The following ROBO4 variants were observed in gnomAD, a reference collection of about 807,000 sequenced individuals.
ROBO4 encodes roundabout homolog 4.
In ROBO4, 80 loss-of-function variants were observed where a neutral mutation model predicts 103.3. The ratio of observed to expected loss-of-function variants is 0.77; its 90% CI spans 0.65 to 0.93. The LOEUF (loss-of-function observed/expected upper bound fraction) is 0.93, where lower values mean the gene tolerates loss of function less well. Among genes scored for constraint, ROBO4 ranks in the 40% least tolerant of loss-of-function variants. ROBO4 has a pLI of 0.00. For missense variants in ROBO4, 1,333 were observed against 1,305.3 expected, an observed-to-expected ratio of 1.02 and a Z score of -0.33; for synonymous variants, 504 against 529.7, an observed-to-expected ratio of 0.95 and a Z score of 0.67.
At position 124,886,586 on chromosome 11, in the gene ROBO4, C is replaced by T; in HGVS notation, c.2672G>A (p.Ser891Asn). 6.2e-7 allele frequency: 1 copy of T among 1,614,212 alleles called. No individual in the cohort carries two copies. Among genetic ancestry groups the T allele is most frequent in the Non-Finnish European group, 8.5e-7 (1 of 1,180,042 alleles). The change falls in exon 16 of 18, where the codon AGC becomes AAC. Residue 891 changes from serine (S) to asparagine (N), a missense_variant. Transcript: ENST00000306534. The part of the protein sequence containing the change: ...SEDNAASARA[S>N]LVSSSDGSFL... ...GGAGCCATCGGAGGAGCTGACAAGG[C>T]TGGCTCTGGCGCTGGCGGCATTGTC...
chr11:124,896,300 G>T lies in ROBO4; in HGVS notation c.577C>A (p.Leu193Met), dbSNP rs751853329. ...TCACTCTTCTCTGCTCTTGCCATCAGCAGGGACCCCCCGGACACCTGTCAG... is the reference window on the plus strand; with the variant it reads ...TCACTCTTCTCTGCTCTTGCCATCATCAGGGACCCCCCGGACACCTGTCAG... ...GRHTVSGGSL[L>M]MARAEKSDEG... Residue 193 changes from leucine to methionine, a missense_variant, in exon 4 of 18, where the codon CTG becomes ATG. Leu to Met is a conservative substitution (Grantham distance 15). Coordinates refer to ENST00000306534, the MANE Select transcript of ROBO4 (RefSeq NM_019055.6). 20 of 1,613,996 alleles carry T rather than the reference G, an allele frequency of 1.2e-5. 1 individual carries two copies. The South Asian group carries it at 2.2e-4, about 18-fold the overall frequency.
chr11:124,896,962 C>T lies in ROBO4; in HGVS notation c.370G>A (p.Val124Ile), dbSNP rs965577145. The change falls in exon 2 of 18, where the codon GTC (valine) becomes ATC (isoleucine). Residue 124 changes from valine (V) to isoleucine (I), a missense_variant. Coordinates refer to ENST00000306534, the MANE Select transcript of ROBO4 (RefSeq NM_019055.6). The part of the protein sequence containing the change: ...CEASNRLGTA[V>I]SRGARLSVAV... ...ACAGACAGCCGAGCGCCTCTGCTGA[C>T]TGCCGTGCCAAGCCGGTTGCTGGCC... The T allele has an allele frequency of 6.2e-7, 1 of 1,613,710 alleles. No individual in the cohort carries two copies. Among genetic ancestry groups the T allele is most frequent in the Admixed American group, 1.7e-5 (1 of 60,020 alleles).
At chr11:124,894,430 A>C in intron 7 of ROBO4, 61 bp from the exon 8 acceptor site, 1 of 1,528,186 alleles carries the variant, frequency 6.5e-7, no homozygotes, top group South Asian at 1.2e-5. Flanking sequence ...CAAGCCCTTT[A>C]TCTGCAGATC....
chr11:124,896,721 C>A, intron 2 of ROBO4, 51 bp from the exon 3 acceptor site: 1 of 1,587,254 alleles, frequency 6.3e-7, no homozygotes, highest in Non-Finnish European at 8.6e-7. Flanking sequence ...CCTCTTCTCT[C>A]TCCCTTATCA....
At chr11:124,896,379 A>C (rs904318932) in intron 3 of ROBO4, 61 bp from the exon 4 acceptor site, 2 of 1,603,142 alleles carry the variant, frequency 1.2e-6, no homozygotes, top group African/African-American at 2.7e-5. Context: ...AGCTGGGGGG[A>C]AGTTTGAGGC....
rs1314900507 is a variant in ROBO4, at chr11:124,894,339, G to A, written c.1180C>T (p.Pro394Ser). The change falls in exon 8 of 18, where the codon CCA (proline) becomes TCA (serine). Residue 394 changes from proline to serine, a missense_variant. Physicochemically the swap from Pro to Ser is moderately conservative, Grantham distance 74. Transcript: ENST00000306534. ...VWSLGNTSLP[P>S]ANWTVVGEQT... The stretch of plus-strand genomic sequence containing the variant: ...TCACCAACTACAGTCCAGTTGGCTG[G>A]TGGCAGTGATGTGTTGCCCAGGCTC... 2 of 1,613,754 alleles carry A rather than the reference G, an allele frequency of 1.2e-6. No homozygotes were observed. Among genetic ancestry groups the A allele is most frequent in the South Asian group, 2.2e-5 (2 of 91,076 alleles).
At chr11:124,893,213 A>T (rs1946826243) in intron 10 of ROBO4, among the ~76,000 whole-genome samples, 1 of 152,236 alleles carries the variant, frequency 6.6e-6, no homozygotes, top group Non-Finnish European at 1.5e-5. Context: ...GCCCATGGGC[A>T]GATCCTGTTT....
chr11:124,894,943 T>C, intron 7 of ROBO4, 138 bp downstream of exon 7: 3 of 692,254 alleles, frequency 4.3e-6, no homozygotes, highest in Non-Finnish European at 2.6e-6. Context: ...CAGTGGGTCC[T>C]TGCTCAGCAA....
intron 12 of ROBO4, among the ~76,000 whole-genome samples, chr11:124,890,464 T>A (rs987052437): frequency 4.6e-5 from 7 of 152,178 alleles, no homozygotes; most frequent in Non-Finnish European, 1.0e-4. Flanking sequence ...AGAATAGGAT[T>A]TCCTGAGGGA....
At chr11:124,886,862 G>C in intron 15 of ROBO4, 40 bp from the exon 16 acceptor site, 1 of 1,528,208 alleles carries the variant, frequency 6.5e-7, no homozygotes, top group Non-Finnish European at 8.8e-7. Context: ...TGGTTTGGGT[G>C]GAATGAGGGT....
intron 12 of ROBO4, among the ~76,000 whole-genome samples, chr11:124,889,686 G>A (rs140588197): frequency 5.6e-3 from 849 of 152,246 alleles, no homozygotes; most frequent in Non-Finnish European, 9.1e-3. Context: ...CAGCACTGGA[G>A]AAGAAACCCC....
intron 12 of ROBO4, 59 bp from the exon 13 acceptor site, chr11:124,887,899 C>T (rs1946742954): frequency 7.3e-7 from 1 of 1,372,992 alleles, no homozygotes; most frequent in Non-Finnish European, 1.0e-6. Context: ...ACCCCAGCTG[C>T]TGGCTCTATC....
chr11:124,885,895 C>A (rs1291455958), intron 16 of ROBO4, among the ~76,000 whole-genome samples: 1 of 152,122 alleles, frequency 6.6e-6, no homozygotes, highest in Non-Finnish European at 1.5e-5. Context: ...GCCTTTAGAA[C>A]TGGACAATTT....
At chr11:124,897,525 GTCTCTCTTTCCTTCTTTC>G in intron 1 of ROBO4, 183 bp downstream of exon 1, 1 of 567,008 alleles carries the variant, frequency 1.8e-6, no homozygotes, top group Non-Finnish European at 3.2e-6. Context: ...TTCTCTCTCA[GTCTCTCTTTCCTTCTTTC>G]TCTCTCTGGT....
intron 13 of ROBO4, 35 bp downstream of exon 13, chr11:124,887,698 A>G: frequency 3.1e-6 from 5 of 1,595,796 alleles, no homozygotes; most frequent in African/African-American, 1.3e-5. Context: ...ACCCTATCTC[A>G]CCCCTTCACT....
At chr11:124,887,534 C>CA in intron 13 of ROBO4, 35 bp from the exon 14 acceptor site, 1 of 1,612,006 alleles carries the variant, frequency 6.2e-7, no homozygotes, top group Non-Finnish European at 8.5e-7. Flanking sequence ...AGAACAGTGG[C>CA]ATCCCCATCT....
intron 13 of ROBO4, 83 bp downstream of exon 13, chr11:124,887,650 T>A: frequency 6.5e-7 from 1 of 1,535,696 alleles, no homozygotes; most frequent in Non-Finnish European, 8.9e-7. Context: ...GATGAGCCCG[T>A]GGGAGGGCCC....
Position 124,886,639 on chromosome 11 carries a change from TA to T in ROBO4, c.2618del (p.Leu873Ter), listed in dbSNP as rs770417014. The T allele has an allele frequency of 6.2e-7, 1 of 1,613,878 alleles. No individual in the cohort carries two copies. The highest frequency in any genetic ancestry group is 8.5e-7 in the Non-Finnish European group (1 of 1,179,928). On this transcript the variant is annotated frameshift_variant, in exon 16 of 18. Transcript: ENST00000306534. LOFTEE classifies it high-confidence loss of function. Reference sequence around the variant, plus strand: ...CAGAGGCTGAGCCCCAACCATTGGCTAAGGAGCCCTCGCTGGGGGTGGGGGT... The same window carrying T: ...CAGAGGCTGAGCCCCAACCATTGGCTAGGAGCCCTCGCTGGGGGTGGGGGT... The part of the protein sequence containing the change: ...CLTPTPSEGS[L>X]ANGWGSASED...
chr11:124,887,329 C>T (rs778773918), intron 14 of ROBO4, 29 bp downstream of exon 14: 4 of 1,613,716 alleles, frequency 2.5e-6, no homozygotes. Flanking sequence ...ACTCTCCCAG[C>T]CCTGCTTCCC....
Sources: allele counts gnomAD v4.1 joint callset (sites outside exome capture counted in the v4.1 genomes callset), GRCh38; gene constraint gnomAD v4.1.1; transcripts MANE v1.5; gene names NCBI Gene and HGNC (gene_info 2026-07-23, HGNC 2026-07-21).